The following HYDIN variants were observed in gnomAD, a reference collection of about 807,000 sequenced individuals.
HYDIN encodes axonemal central pair apparatus protein HYDIN.
In HYDIN, 132 loss-of-function variants were observed where a neutral mutation model predicts 403.9. That is an observed-to-expected ratio of 0.33 (90% CI 0.28 to 0.38). HYDIN has a LOEUF of 0.38. Ranked by LOEUF, HYDIN falls within the 10% of genes least tolerant of loss-of-function variation. The pLI, the probability that HYDIN is intolerant of heterozygous loss-of-function variation, is 1.00. For synonymous variants in HYDIN, 1,202 were observed against 1,891.7 expected (o/e 0.64, Z 9.46); for missense variants, 2,827 against 5,009.5 (o/e 0.56, Z 13.15).
rs147433831 is a variant in HYDIN, at chr16:70,979,303, G to A, written c.4511-262C>T. On this transcript the variant is annotated intron_variant, in intron 29 of 85. Coordinates refer to ENST00000393567, the MANE Select transcript of HYDIN (RefSeq NM_001270974.2). ...GCTAGTTCTCCAGAACTTGAAGTTA[G>A]TTACATTTGAAGACACTCATAGGGT... 8.9e-4 allele frequency among the ~76,000 whole-genome samples: 133 copies of A among 148,816 alleles called. 3 individuals are homozygous for A. In the East Asian group the frequency reaches 0.02, roughly 22 times the overall value.
At chr16:70,812,474 C>T (rs1031764627) in intron 84 of HYDIN, among the ~76,000 whole-genome samples, 10 of 151,844 alleles carry the variant, frequency 6.6e-5, no homozygotes, top group Non-Finnish European at 1.2e-4. Context: ...GGTGACAAAG[C>T]GAGACTCTGT....
intron 75 of HYDIN, among the ~76,000 whole-genome samples, chr16:70,848,655 G>A (rs1448073866): frequency 5.7e-5 from 6 of 105,496 alleles, no homozygotes; most frequent in Non-Finnish European, 1.9e-5. Context: ...TTTTGCTGAG[G>A]GGCTGTGTGT....
At chr16:70,900,476 CAAA>C (rs71857692) in intron 53 of HYDIN, among the ~76,000 whole-genome samples, 2 of 63,482 alleles carry the variant, frequency 3.2e-5, no homozygotes, top group Non-Finnish European at 3.4e-5. Context: ...GACTCCATCT[CAAA>C]AAAAAAAAAA....
At position 70,829,957 on chromosome 16, in the gene HYDIN, G is replaced by T. The variant is rs994129178; in HGVS notation, c.13900-127C>A. On this transcript the variant is annotated intron_variant, in intron 80 of 85. Transcript: ENST00000393567. ...TGCTTCCCATCATGAGTTTCAGTGG[G>T]TCCGTTTCTTTTTCTTTCATTCACT... 8.8e-5 allele frequency: 69 copies of T among 784,876 alleles called. No individual in the cohort carries two copies. In the Middle Eastern group the frequency reaches 1.7e-3, roughly 19 times the overall value. The allele number at this position is 784,876 out of a possible 1,614,324, so 48.6% of individuals were successfully genotyped here.
At chr16:71,133,667 G>T (rs2084801253) in intron 8 of HYDIN, among the ~76,000 whole-genome samples, 1 of 152,134 alleles carries the variant, frequency 6.6e-6, no homozygotes, top group African/African-American at 2.4e-5. Context: ...CTGGGGAAAT[G>T]GGGAGCAAAA....
intron 10 of HYDIN, among the ~76,000 whole-genome samples, chr16:71,098,565 T>C (rs549276583): frequency 3.3e-5 from 5 of 151,058 alleles, no homozygotes; most frequent in South Asian, 2.1e-4. Context: ...GTCTAGACTA[T>C]TGGGAATAAT....
chr16:71,125,154 G>A (rs1168275212), intron 9 of HYDIN, among the ~76,000 whole-genome samples: 1 of 151,942 alleles, frequency 6.6e-6, no homozygotes, highest in Non-Finnish European at 1.5e-5. Context: ...AAATGTGAGG[G>A]CCTGGAGGCC....
chr16:70,839,904 G>A (rs1464129977), intron 76 of HYDIN, among the ~76,000 whole-genome samples, 160 bp downstream of exon 76: 1 of 147,028 alleles, frequency 6.8e-6, no homozygotes, highest in Non-Finnish European at 1.5e-5. Context: ...ATTAGTGTTA[G>A]TTATGGGGAC....
chr16:70,971,106 G>A (rs2078719120), intron 35 of HYDIN, among the ~76,000 whole-genome samples: 1 of 152,158 alleles, frequency 6.6e-6, no homozygotes, highest in African/African-American at 2.4e-5. Context: ...CTGCATCTCT[G>A]GGCCTGAAGG....
chr16:71,184,521 T>A (rs1352554904), intron 3 of HYDIN, among the ~76,000 whole-genome samples: 1 of 152,122 alleles, frequency 6.6e-6, no homozygotes, highest in Non-Finnish European at 1.5e-5. Flanking sequence ...GCAGCTCAGA[T>A]AAGGAGAGAT....
intron 45 of HYDIN, among the ~76,000 whole-genome samples, chr16:70,933,121 T>C (rs2077397331): frequency 6.6e-6 from 1 of 151,734 alleles, no homozygotes. Context: ...GATGATGGAA[T>C]TACCATGTAG....
Position 70,921,221 on chromosome 16 carries a change from G to C in HYDIN, c.7159-4C>G. On this transcript the variant is annotated splice_region_variant and splice_polypyrimidine_tract_variant and intron_variant, in intron 45 of 85. Coordinates refer to ENST00000393567, the MANE Select transcript of HYDIN (RefSeq NM_001270974.2). ...CCACTTTGGTGAGCGGAGGAACCTA[G>C]AAGGCATGACACAGAAAAGATGCGT... 6 of 1,489,876 alleles carry C rather than the reference G, an allele frequency of 4.0e-6. No individual in the cohort carries two copies. Among genetic ancestry groups the C allele is most frequent in the Non-Finnish European group, 5.4e-6 (6 of 1,116,952 alleles). 92.3% of individuals were successfully genotyped at this position (1,489,876 alleles called of 1,614,324 possible).
intron 8 of HYDIN, among the ~76,000 whole-genome samples, chr16:71,130,485 T>TC: frequency 7.1e-6 from 1 of 140,272 alleles, no homozygotes; most frequent in South Asian, 2.6e-4. Context: ...TTTTTTTTTT[T>TC]TTTTTTTTTT....
At chr16:71,050,119 G>T (rs936345102) in intron 18 of HYDIN, among the ~76,000 whole-genome samples, 12 of 144,838 alleles carry the variant, frequency 8.3e-5, no homozygotes, top group Non-Finnish European at 1.7e-4. Context: ...AGAGATAATG[G>T]CTGAGACATT....
intron 10 of HYDIN, among the ~76,000 whole-genome samples, chr16:71,110,766 A>G (rs2083800414): frequency 1.4e-5 from 2 of 142,984 alleles, no homozygotes; most frequent in East Asian, 2.0e-4. Context: ...TTACACAGAA[A>G]AAAGTGACTG....
At chr16:71,170,035 C>T (rs896480311) in intron 5 of HYDIN, among the ~76,000 whole-genome samples, 4 of 152,246 alleles carry the variant, frequency 2.6e-5, no homozygotes, top group South Asian at 2.1e-4. Context: ...AGGCTACTAG[C>T]GGTGATGCCT....
intron 42 of HYDIN, 62 bp downstream of exon 42, chr16:70,943,750 G>C: frequency 6.4e-7 from 1 of 1,570,676 alleles, no homozygotes; most frequent in East Asian, 2.3e-5. Context: ...CCTCTGTCCA[G>C]GGTGTGGGGA....
chr16:71,144,169 A>G (rs1405694118), intron 7 of HYDIN, among the ~76,000 whole-genome samples: 1 of 152,186 alleles, frequency 6.6e-6, no homozygotes, highest in Non-Finnish European at 1.5e-5. Flanking sequence ...AAGTTTCAAT[A>G]CAAATATCTT....
chr16:71,063,603 G>A (rs1002128820), intron 16 of HYDIN, among the ~76,000 whole-genome samples: 4 of 152,138 alleles, frequency 2.6e-5, no homozygotes, highest in Admixed American at 2.6e-4. Context: ...GCCTGCTGTG[G>A]AGCATCTGAG....
Sources: gnomAD v4.1 joint callset for allele counts (sites outside exome capture counted in the v4.1 genomes callset) on GRCh38, gnomAD v4.1.1 for gene constraint, MANE v1.5 for transcripts, NCBI Gene and HGNC (gene_info 2026-07-23, HGNC 2026-07-21) for gene names.